CHRAC1: variants seen among roughly 807,000 people sequenced by gnomAD.
CHRAC1 encodes chromatin accessibility complex subunit 1.
CHRAC1 carries 6 observed loss-of-function variants against 9.1 expected under a neutral mutation model. The ratio of observed to expected loss-of-function variants is 0.66; its 90% confidence interval spans 0.36 to 1.29. The LOEUF (loss-of-function observed/expected upper bound fraction) is 1.29, where lower values mean the gene tolerates loss of function less well. Ranked by LOEUF, CHRAC1 falls within the 50% of genes most tolerant of loss-of-function variation. CHRAC1 has a pLI of 0.03. For missense variants in CHRAC1, 168 were observed against 163.5 expected (o/e 1.03, Z -0.15); for synonymous variants, 73 against 64.5 (o/e 1.13, Z -0.63).
At position 140,515,999 on chromosome 8, in the gene CHRAC1, T is replaced by C. The variant is rs1476462896; in HGVS notation, c.*752T>C. 6.6e-6 allele frequency: 1 copy of C among 152,182 alleles called. No homozygotes were observed. The highest frequency in any genetic ancestry group is 2.4e-5 in the African/African-American group (1 of 41,442). 9.4% of individuals were successfully genotyped at this position (152,182 alleles called of 1,614,324 possible). ...TGTACTAAAAAAAAATTTTGAAACA[T>C]TTTGTATATTGGAGATCTCTCTCAT... On this transcript the variant is annotated 3_prime_UTR_variant, in exon 3 of 3. Coordinates refer to ENST00000220913, the MANE Select transcript of CHRAC1 (RefSeq NM_017444.6).
chr8:140,514,227 T>G, intron 1 of CHRAC1, 142 bp from the exon 2 acceptor site: 1 of 934,056 alleles, frequency 1.1e-6, no homozygotes, highest in Admixed American at 3.7e-5. Context: ...TTCTTGTAAT[T>G]TAATTTGAGA....
intron 2 of CHRAC1, 107 bp downstream of exon 2, chr8:140,514,602 A>T: frequency 1.1e-6 from 1 of 933,150 alleles, no homozygotes; most frequent in Non-Finnish European, 1.5e-6. Context: ...ACTTTTTGCT[A>T]CTTTTTCCAA....
chr8:140,514,528 A>G (rs2072314282), intron 2 of CHRAC1, 33 bp downstream of exon 2: 1 of 1,514,022 alleles, frequency 6.6e-7, no homozygotes, highest in Non-Finnish European at 8.8e-7. Context: ...TGGTTAAAAA[A>G]TGATTAGTAA....
Position 140,511,376 on chromosome 8 carries a change from T to TC in CHRAC1, c.-120dup. 4.5e-6 allele frequency: 4 copies of TC among 895,154 alleles called. No individual in the cohort carries two copies. The highest frequency in any genetic ancestry group is 6.0e-6 in the Non-Finnish European group (4 of 670,910). The allele number at this position is 895,154 out of a possible 1,614,324, so 55.5% of individuals were successfully genotyped here. A position where few individuals can be genotyped will look rare whatever the true frequency, so the allele number is the denominator to read the frequency against. ...CCGCTCCCGGCCTCGCGGCCTCGCCTCCCCACACTACAACTCCCACGGGGC... is the reference window on the plus strand; with the variant it reads ...CCGCTCCCGGCCTCGCGGCCTCGCCTCCCCCACACTACAACTCCCACGGGGC... On this transcript the variant is annotated 5_prime_UTR_variant, in exon 1 of 3. Transcript: ENST00000220913.
Position 140,511,601 on chromosome 8 carries a change from G to A in CHRAC1, c.102G>A (p.Val34=). The A allele has an allele frequency of 6.8e-7, 1 of 1,480,396 alleles. No homozygotes were observed. Among genetic ancestry groups the A allele is most frequent in the Non-Finnish European group, 9.0e-7 (1 of 1,109,422 alleles). The allele number at this position is 1,480,396 out of a possible 1,614,324, so 91.7% of individuals were successfully genotyped here. ...TCATCATGAAGAGCTCCCCCGAGGT[G>A]TCCAGCATCAACCAGGAGGCGTTGG... ...IRVIMKSSPE[V]SSINQEALVL... is the part of the protein sequence containing the mutation. Residue 34 remains valine, a synonymous_variant, in exon 1 of 3, where the codon GTG becomes GTA. Coordinates refer to ENST00000220913, the MANE Select transcript of CHRAC1 (RefSeq NM_017444.6).
In CHRAC1 at chr8:140,514,540, C is replaced by G. The variant is rs770378280; in HGVS notation, c.274+45C>G. 4 of 1,481,436 alleles carry G rather than the reference C, an allele frequency of 2.7e-6. No homozygotes were observed. The South Asian group carries it at 4.1e-5, about 15-fold the overall frequency. The allele number at this position is 1,481,436 out of a possible 1,614,324, so 91.8% of individuals were successfully genotyped here. On this transcript the variant is annotated intron_variant, in intron 2 of 2. Coordinates refer to ENST00000220913, the MANE Select transcript of CHRAC1 (RefSeq NM_017444.6). ...TTCTGGTTAAAAAATGATTAGTAAT[C>G]AATAGCTCTTTCCCCACCCCTTGCC...
chr8:140,511,632 A>C lies in CHRAC1; in HGVS notation c.133A>C (p.Thr45Pro), dbSNP rs2072275603. The part of the protein sequence containing the change: ...SSINQEALVL[T>P]AKATELFVQC... ...CATCAACCAGGAGGCGTTGGTGCTC[A>C]CGGCCAAGGCCACGGTGAGGGGGCA... The change falls in exon 1 of 3, where the codon ACG becomes CCG. Residue 45 changes from threonine to proline, a missense_variant. Physicochemically the swap from Thr to Pro is conservative, Grantham distance 38. Transcript: ENST00000220913. 1 of 1,435,314 alleles carries C rather than the reference A, an allele frequency of 7.0e-7. No individual in the cohort carries two copies. Among genetic ancestry groups the C allele is most frequent in the Admixed American group, 2.5e-5 (1 of 39,300 alleles). 88.9% of individuals were successfully genotyped at this position (1,435,314 alleles called of 1,614,324 possible).
rs1319300544 is a variant in CHRAC1 at position 140,516,087 on chromosome 8, C to T, written c.*840C>T. 1.3e-5 allele frequency: 2 copies of T among 151,586 alleles called. No individual in the cohort carries two copies. The highest frequency in any genetic ancestry group is 2.9e-5 in the Non-Finnish European group (2 of 67,960). The allele number at this position is 151,586 out of a possible 1,614,324, so 9.4% of individuals were successfully genotyped here. On this transcript the variant is annotated 3_prime_UTR_variant, in exon 3 of 3. Transcript: ENST00000220913. ...TTACTGTCTATAAGAGAAAACCTAT[C>T]ATAAGCCCAATTTTTTTTTTCCACT...
At chr8:140,511,876 C>A in intron 1 of CHRAC1, 2 of 770,120 alleles carry the variant, frequency 2.6e-6, no homozygotes, top group Non-Finnish European at 4.0e-6. Context: ...CCCTCACGTT[C>A]TCCAGTTTCT....
rs781448243 is a variant in CHRAC1 at position 140,514,478 on chromosome 8, C to T, written c.257C>T (p.Thr86Ile). ...GCAAACACTGCACAGCAATCAGAAA[C>T]TTTTCAGTTTCTTGCAGGTACTTAG... is the stretch of plus-strand genomic sequence containing the variant. Reference protein sequence around the residue: ...DLANTAQQSETFQFLADILPK... With the variant: ...DLANTAQQSEIFQFLADILPK... Residue 86 changes from threonine to isoleucine, a missense_variant, in exon 2 of 3, where the codon ACT (threonine) becomes ATT (isoleucine). Transcript: ENST00000220913. 1 of 1,555,420 alleles carries T rather than the reference C, an allele frequency of 6.4e-7. No individual in the cohort carries two copies. Among genetic ancestry groups the T allele is most frequent in the African/African-American group, 1.4e-5 (1 of 70,912 alleles).
intron 1 of CHRAC1, chr8:140,511,888 C>T (rs945900965): frequency 1.2e-5 from 10 of 863,482 alleles, no homozygotes; most frequent in Middle Eastern, 2.5e-4. Flanking sequence ...CCAGTTTCTT[C>T]GCCTCGCCTA....
chr8:140,514,532 T>C, intron 2 of CHRAC1, 37 bp downstream of exon 2: 1 of 1,508,772 alleles, frequency 6.6e-7, no homozygotes, highest in Non-Finnish European at 8.8e-7. Context: ...TAAAAAATGA[T>C]TAGTAATCAA....
At chr8:140,511,909 C>T (rs761324390) in intron 1 of CHRAC1, 5 of 1,093,996 alleles carry the variant, frequency 4.6e-6, no homozygotes, top group Admixed American at 2.2e-5. Context: ...CCGCGCGCCT[C>T]TCCCGCCCTT....
chr8:140,513,325 G>T (rs1158934401), intron 1 of CHRAC1, among the ~76,000 whole-genome samples: 1 of 152,250 alleles, frequency 6.6e-6, no homozygotes, highest in Non-Finnish European at 1.5e-5. Flanking sequence ...GTAAGCTGTG[G>T]TCACTATAGT....
At position 140,511,523 on chromosome 8, in the gene CHRAC1, A is replaced by G; in HGVS notation, c.24A>G (p.Lys8=). 4 of 1,378,804 alleles carry G rather than the reference A, an allele frequency of 2.9e-6. No homozygotes were observed. Among genetic ancestry groups the G allele is most frequent in the South Asian group, 3.5e-5 (2 of 57,126 alleles). 85.4% of individuals were successfully genotyped at this position (1,378,804 alleles called of 1,614,324 possible). A position where few individuals can be genotyped will look rare whatever the true frequency, so the allele number is the denominator to read the frequency against. MADVVVG[K]DKGGEQRLIS... is the part of the protein sequence containing the mutation. ...AGATGGCGGACGTGGTCGTGGGTAA[A>G]GACAAGGGCGGGGAGCAGCGGCTCA... The change falls in exon 1 of 3, where the codon AAA becomes AAG. Residue 8 remains lysine, a synonymous_variant. Transcript: ENST00000220913.
chr8:140,514,707 C>A, intron 2 of CHRAC1: 1 of 441,050 alleles, frequency 2.3e-6, no homozygotes, highest in South Asian at 3.2e-5. Flanking sequence ...AATAGTGAAG[C>A]CAACAACATT....
chr8:140,511,913 C>CG, intron 1 of CHRAC1: 1 of 1,124,068 alleles, frequency 8.9e-7, no homozygotes, highest in Non-Finnish European at 1.2e-6. Context: ...GCGCCTCTCC[C>CG]GCCCTTTGTC....
intron 2 of CHRAC1, 152 bp downstream of exon 2, chr8:140,514,647 CT>C: frequency 1.8e-6 from 1 of 554,602 alleles, no homozygotes. Flanking sequence ...CAGGAAGATA[CT>C]TTTAGTCTTC....
At chr8:140,511,722 G>A in intron 1 of CHRAC1, 76 bp downstream of exon 1, 1 of 1,221,936 alleles carries the variant, frequency 8.2e-7, no homozygotes, top group Non-Finnish European at 1.0e-6. Flanking sequence ...GCACTGCCCA[G>A]TCCCCTTAGG....
Sources: gnomAD v4.1 joint callset for allele counts (sites outside exome capture counted in the v4.1 genomes callset) on GRCh38, gnomAD v4.1.1 for gene constraint, MANE v1.5 for transcripts, NCBI Gene and HGNC (gene_info 2026-07-23, HGNC 2026-07-21) for gene names.